The following SLC26A7 variants were observed in gnomAD, a reference collection of about 807,000 sequenced individuals.
SLC26A7 encodes the protein anion exchange transporter.
A neutral mutation model predicts 82.5 loss-of-function variants in SLC26A7; 59 were observed. That is an observed-to-expected ratio of 0.72 (90% CI 0.58 to 0.89). SLC26A7 has a LOEUF of 0.89. SLC26A7 is among the 40% of genes least tolerant of loss of function. The pLI, the probability that SLC26A7 is intolerant of heterozygous loss-of-function variation, is 0.00. For synonymous variants in SLC26A7, 271 were observed against 274.3 expected, an observed-to-expected ratio of 0.99 and a Z score of 0.12; for missense variants, 820 against 793.0, an observed-to-expected ratio of 1.03 and a Z score of -0.41.
intron 9 of SLC26A7, among the ~76,000 whole-genome samples, chr8:91,346,335 G>C (rs1314637764): frequency 4.6e-5 from 7 of 152,096 alleles, no homozygotes; most frequent in African/African-American, 1.7e-4. Flanking sequence ...GGGTAAAACT[G>C]ATAACTGACA....
At chr8:91,371,552 T>C (rs542837779) in intron 15 of SLC26A7, among the ~76,000 whole-genome samples, 106 of 125,572 alleles carry the variant, frequency 8.4e-4, no homozygotes, top group African/African-American at 3.5e-3. Context: ...TCCATCCATG[T>C]TGCTGCAAAA....
chr8:91,334,950 T>A (rs1262034445), intron 6 of SLC26A7, among the ~76,000 whole-genome samples: 2 of 152,204 alleles, frequency 1.3e-5, no homozygotes, highest in Admixed American at 6.6e-5. Context: ...AAGTTGGTTC[T>A]CTAAAATATT....
intron 2 of SLC26A7, among the ~76,000 whole-genome samples, chr8:91,239,716 A>G (rs1466060913): frequency 6.6e-6 from 1 of 152,118 alleles, no homozygotes; most frequent in Admixed American, 6.6e-5. Context: ...CAATTCAAGA[A>G]CTAATTCATC....
At chr8:91,394,418 A>G (rs1195851802) in intron 18 of SLC26A7, 7 of 1,440,354 alleles carry the variant, frequency 4.9e-6, no homozygotes, top group Non-Finnish European at 6.4e-6. Flanking sequence ...TTCTGCTCTG[A>G]TATCTTGCCT....
intron 2 of SLC26A7, among the ~76,000 whole-genome samples, chr8:91,222,415 G>A (rs774944652): frequency 2.0e-5 from 3 of 152,164 alleles, no homozygotes; most frequent in Non-Finnish European, 2.9e-5. Context: ...TTGAATAGGA[G>A]GGGTGAGAGA....
chr8:91,381,813 T>G (rs568595240), intron 15 of SLC26A7, among the ~76,000 whole-genome samples: 18 of 152,210 alleles, frequency 1.2e-4, no homozygotes, highest in Non-Finnish European at 2.2e-4. Context: ...GCTGAGGTTA[T>G]GTGCACTGTG....
chr8:91,326,859 C>G (rs1812944619), intron 5 of SLC26A7, among the ~76,000 whole-genome samples: 1 of 152,190 alleles, frequency 6.6e-6, no homozygotes, highest in Admixed American at 6.5e-5. Flanking sequence ...TCAGCTTCTT[C>G]TGGCTCCTGG....
chr8:91,386,781 A>G (rs1814811236), intron 15 of SLC26A7, among the ~76,000 whole-genome samples: 1 of 152,192 alleles, frequency 6.6e-6, no homozygotes, highest in African/African-American at 2.4e-5. Context: ...ACATGCTGTC[A>G]TTAAGCATGG....
chr8:91,238,708 A>G (rs1020302563), intron 2 of SLC26A7, among the ~76,000 whole-genome samples: 3 of 151,928 alleles, frequency 2.0e-5, no homozygotes, highest in Admixed American at 6.6e-5. Flanking sequence ...TATGTTAAGT[A>G]TCTTGAAGTA....
chr8:91,278,352 G>A (rs777631176), intron 2 of SLC26A7, among the ~76,000 whole-genome samples: 1 of 152,038 alleles, frequency 6.6e-6, no homozygotes, highest in Non-Finnish European at 1.5e-5. Flanking sequence ...TGACATACAA[G>A]AGAAAATCCA....
rs34106795 is a variant in SLC26A7, at chr8:91,211,616, AT to A, written c.-150+2084del. 7.9e-3 allele frequency among the ~76,000 whole-genome samples: 1,090 copies of A among 137,526 alleles called. 14 individuals carry two copies. The highest frequency in any genetic ancestry group is 0.027 in the African/African-American group (941 of 34,328). The allele number at this position is 137,526 out of a possible 152,430, so 90.2% of individuals were successfully genotyped here. A position where few individuals can be genotyped will look rare whatever the true frequency, so the allele number is the denominator to read the frequency against. ...TACAAATATATATATATATATATAT[AT>A]TTTTTTTTTATTTTTTTTGCTTGGA... On this transcript the variant is annotated intron_variant, in intron 1 of 5. Coordinates refer to the SLC26A7 transcript ENST00000522862.
intron 5 of SLC26A7, among the ~76,000 whole-genome samples, chr8:91,333,469 TAAGTTTTAC>T (rs1813151228): frequency 6.6e-6 from 1 of 152,164 alleles, no homozygotes; most frequent in South Asian, 2.1e-4. Flanking sequence ...TTTTATGCTG[TAAGTTTTAC>T]AAATATGCCC....
At chr8:91,346,213 T>A (rs1420644234) in intron 9 of SLC26A7, among the ~76,000 whole-genome samples, 1 of 152,166 alleles carries the variant, frequency 6.6e-6, no homozygotes, top group African/African-American at 2.4e-5. Context: ...TTCAACAACT[T>A]CCATTAAATT....
chr8:91,367,318 T>G (rs536973005), intron 14 of SLC26A7, among the ~76,000 whole-genome samples: 25 of 152,232 alleles, frequency 1.6e-4, no homozygotes, highest in Non-Finnish European at 3.2e-4. Context: ...GAAAGGATCT[T>G]TTCTTTAAAC....
intron 2 of SLC26A7, among the ~76,000 whole-genome samples, chr8:91,279,131 A>ATATATATATATATATATATG (rs1563656854): frequency 2.4e-3 from 75 of 30,990 alleles, no homozygotes; most frequent in African/African-American, 6.9e-3. Context: ...GTGTGTATAT[A>ATATATATATATATATATATG]TATATATATA....
chr8:91,291,049 A>G (rs1335646616), intron 3 of SLC26A7, among the ~76,000 whole-genome samples: 1 of 152,132 alleles, frequency 6.6e-6, no homozygotes, highest in East Asian at 1.9e-4. Flanking sequence ...TATAGTATAT[A>G]TATGTGTTTA....
intron 2 of SLC26A7, among the ~76,000 whole-genome samples, chr8:91,239,867 G>A (rs1181465944): frequency 6.6e-6 from 1 of 152,198 alleles, no homozygotes; most frequent in Non-Finnish European, 1.5e-5. Flanking sequence ...TTGAATAATG[G>A]TGGGAAGTAA....
chr8:91,256,678 A>G (rs904663916), intron 2 of SLC26A7, among the ~76,000 whole-genome samples: 1 of 152,150 alleles, frequency 6.6e-6, no homozygotes, highest in Admixed American at 6.5e-5. Flanking sequence ...CTCCATTTGC[A>G]TGTGCAAACA....
At chr8:91,288,737 G>T (rs1214795028) in intron 2 of SLC26A7, among the ~76,000 whole-genome samples, 1 of 152,132 alleles carries the variant, frequency 6.6e-6, no homozygotes, top group Non-Finnish European at 1.5e-5. Flanking sequence ...TCTGTCAGGG[G>T]TAAATCTTCT....
Sources: gnomAD v4.1 joint callset for allele counts (sites outside exome capture counted in the v4.1 genomes callset) on GRCh38, gnomAD v4.1.1 for gene constraint, MANE v1.5 for transcripts, NCBI Gene and HGNC (gene_info 2026-07-23, HGNC 2026-07-21) for gene names.